The following IL16 variants were observed in gnomAD, a reference collection of about 807,000 sequenced individuals.
The protein encoded by IL16 is pro-interleukin-16.
IL16 carries 67 observed loss-of-function variants against 110.1 expected under a neutral mutation model. The ratio of observed to expected loss-of-function variants is 0.61; its 90% confidence interval spans 0.50 to 0.75. The LOEUF is 0.75. Among genes scored for constraint, IL16 ranks in the 30% least tolerant of loss-of-function variants. The pLI is 0.00. For synonymous variants in IL16, 689 were observed against 662.9 expected, an observed-to-expected ratio of 1.04 and a Z score of -0.61; for missense variants, 1,545 against 1,655.0, an observed-to-expected ratio of 0.93 and a Z score of 1.15.
chr15:81,221,264 C>T (rs1896606517), intron 1 of IL16, among the ~76,000 whole-genome samples: 2 of 152,052 alleles, frequency 1.3e-5, no homozygotes, highest in Non-Finnish European at 2.9e-5. Flanking sequence ...ATGTTAGAAA[C>T]CTTCATTGTG....
chr15:81,280,255 C>G (rs958254105), intron 8 of IL16, among the ~76,000 whole-genome samples: 6 of 152,172 alleles, frequency 3.9e-5, no homozygotes, highest in Admixed American at 2.0e-4. Context: ...TGAATGCAAC[C>G]GAACTGAGAC....
chr15:81,287,210 C>T (rs1327571603), intron 10 of IL16, among the ~76,000 whole-genome samples: 3 of 152,108 alleles, frequency 2.0e-5, no homozygotes, highest in Non-Finnish European at 2.9e-5. Context: ...GAAGATATCT[C>T]GAATATTTTT....
chr15:81,302,731 T>C (rs985578358), intron 15 of IL16, among the ~76,000 whole-genome samples: 2 of 152,204 alleles, frequency 1.3e-5, no homozygotes, highest in Admixed American at 1.3e-4. Context: ...GAAAAAAATA[T>C]TGAATTCTAT....
intron 2 of IL16, among the ~76,000 whole-genome samples, chr15:81,252,655 C>T (rs117389540): frequency 1.5e-3 from 232 of 152,244 alleles, no homozygotes; most frequent in Non-Finnish European, 3.0e-3. Context: ...CATTCCTGCC[C>T]GATCCCTAAT....
intron 11 of IL16, chr15:81,292,310 G>A (rs1899757904): frequency 5.4e-6 from 3 of 555,348 alleles, no homozygotes; most frequent in Non-Finnish European, 9.8e-6. Flanking sequence ...TGGGTGATCT[G>A]GGTGGCATAT....
intron 2 of IL16, among the ~76,000 whole-genome samples, chr15:81,236,788 C>G (rs1424108197): frequency 1.3e-5 from 2 of 152,062 alleles, no homozygotes; most frequent in African/African-American, 4.8e-5. Context: ...AAAATCCTGT[C>G]TCTACGAAAT....
chr15:81,234,306 C>T (rs1295269640), intron 2 of IL16, among the ~76,000 whole-genome samples: 1 of 152,006 alleles, frequency 6.6e-6, no homozygotes, highest in Admixed American at 6.6e-5. Flanking sequence ...TATTTAGTGT[C>T]TAATTGTCTC....
At chr15:81,280,195 G>A (rs903144614) in intron 8 of IL16, among the ~76,000 whole-genome samples, 2 of 152,178 alleles carry the variant, frequency 1.3e-5, no homozygotes, top group African/African-American at 4.8e-5. Flanking sequence ...GGAACAGACA[G>A]CCATTCCCTT....
Position 81,292,659 on chromosome 15 carries a change from C to A in IL16, c.1524C>A (p.Ile508=). 1 of 1,614,074 alleles carries A rather than the reference C, an allele frequency of 6.2e-7. No individual in the cohort carries two copies. Among genetic ancestry groups the A allele is most frequent in the Non-Finnish European group, 8.5e-7 (1 of 1,179,956 alleles). The change falls in exon 12 of 19, where the codon ATC becomes ATA. Residue 508 remains isoleucine, a synonymous_variant. Coordinates refer to ENST00000683961, the MANE Select transcript of IL16 (RefSeq NM_172217.5). The part of the protein sequence containing the change: ...PPHRRAQKVM[I]RSSSDSSYMS... ...ATCGCAGGGCTCAGAAGGTCATGAT[C>A]CGCTCCAGCAGTGACAGCAGCTACA...
chr15:81,224,677 T>A (rs542768453), intron 1 of IL16, among the ~76,000 whole-genome samples: 1 of 152,306 alleles, frequency 6.6e-6, no homozygotes, highest in Non-Finnish European at 1.5e-5. Context: ...CTCTGGCAGG[T>A]CAGTGTTAGG....
rs34522610 is a variant in IL16, at chr15:81,303,015, A to ATGTGTGTGTGTGTGTGTGTGTGTG, written c.3319-528_3319-505dup. Among the ~76,000 whole-genome samples the ATGTGTGTGTGTGTGTGTGTGTGTG allele has an allele frequency of 8.0e-4, 120 of 150,138 alleles. No homozygotes were observed. The highest frequency in any genetic ancestry group is 2.8e-3 in the African/African-American group (114 of 40,676). Reference sequence around the variant, plus strand: ...GTCTAGGCTAGGAAGTACCGTAGTAATGTGTGTGTGTGTGTGTGTGTGTGT... The same window carrying ATGTGTGTGTGTGTGTGTGTGTGTG: ...GTCTAGGCTAGGAAGTACCGTAGTAATGTGTGTGTGTGTGTGTGTGTGTGTGTGTGTGTGTGTGTGTGTGTGTGT... On this transcript the variant is annotated intron_variant, in intron 15 of 18. Transcript: ENST00000683961. The surrounding 1 kb of genome is among the most constrained non-coding windows in gnomAD (Gnocchi z 4.1).
intron 2 of IL16, among the ~76,000 whole-genome samples, chr15:81,245,724 C>CTGTTTTTTT (rs1897518049): frequency 1.6e-5 from 1 of 61,282 alleles, no homozygotes; most frequent in South Asian, 7.4e-4. Flanking sequence ...TTTGTTTTGG[C>CTGTTTTTTT]TTTTTTTTTT....
At chr15:81,290,175 C>T (rs1034754992) in intron 10 of IL16, 1 of 464,914 alleles carries the variant, frequency 2.2e-6, no homozygotes, top group Non-Finnish European at 3.8e-6. Flanking sequence ...GTAACTTTGC[C>T]TAGAATTTTC....
At chr15:81,302,560 T>C (rs1370985617) in intron 15 of IL16, among the ~76,000 whole-genome samples, 1 of 152,126 alleles carries the variant, frequency 6.6e-6, no homozygotes, top group Admixed American at 6.5e-5. Flanking sequence ...CTTTGGGTCT[T>C]AGGGGCTCCA....
At chr15:81,293,779 GCAGACTGACTGA>G (rs1303691872) in intron 12 of IL16, among the ~76,000 whole-genome samples, 1 of 152,172 alleles carries the variant, frequency 6.6e-6, no homozygotes, top group Non-Finnish European at 1.5e-5. Flanking sequence ...TGCATAAAAG[GCAGACTGACTGA>G]CAGACAGCTG....
chr15:81,211,769 A>G (rs959662151), intron 1 of IL16, among the ~76,000 whole-genome samples: 5 of 152,150 alleles, frequency 3.3e-5, no homozygotes, highest in African/African-American at 1.2e-4. Flanking sequence ...CATTGAGATG[A>G]TCATATGGTT....
Position 81,299,939 on chromosome 15 carries a change from A to C in IL16, c.2613A>C (p.Ala871=). The change falls in exon 14 of 19, where the codon GCA becomes GCC. Residue 871 remains alanine (A), a synonymous_variant. Transcript: ENST00000683961. ...GCCTCCAGCCCTCCTCTGGGGAGGCAGCAAAACCTCTTGGGAAGCATGAGG... is the reference window on the plus strand; with the variant it reads ...GCCTCCAGCCCTCCTCTGGGGAGGCCGCAAAACCTCTTGGGAAGCATGAGG... ...RLSLQPSSGE[A]AKPLGKHEEG... is the part of the protein sequence containing the mutation. The C allele has an allele frequency of 6.2e-7, 1 of 1,612,808 alleles. No individual in the cohort carries two copies. Among genetic ancestry groups the C allele is most frequent in the South Asian group, 1.1e-5 (1 of 91,046 alleles).
chr15:81,184,413 G>A (rs952397417), intron 1 of IL16, among the ~76,000 whole-genome samples: 34 of 152,206 alleles, frequency 2.2e-4, no homozygotes, highest in African/African-American at 8.2e-4. Flanking sequence ...CTGTGATGCA[G>A]TTGCAACACT....
intron 1 of IL16, among the ~76,000 whole-genome samples, chr15:81,186,625 G>C (rs1285059276): frequency 1.3e-5 from 2 of 152,118 alleles, no homozygotes; most frequent in African/African-American, 4.8e-5. Context: ...GGACATCTTG[G>C]CTTGCTTTCA....
Sources: allele counts gnomAD v4.1 joint callset (sites outside exome capture counted in the v4.1 genomes callset), GRCh38; gene constraint gnomAD v4.1.1; non-coding constraint Gnocchi (gnomAD v3.1); transcripts MANE v1.5; gene names NCBI Gene and HGNC (gene_info 2026-07-23, HGNC 2026-07-21).